Variants in STAMBP observed in about 807,000 individuals in gnomAD.
The protein encoded by STAMBP is STAM binding protein, also known as STAM-binding protein.
A neutral mutation model predicts 50.7 loss-of-function variants in STAMBP; 31 were observed. The observed-to-expected ratio is 0.61, with a 90% CI of 0.46 to 0.83. The LOEUF is 0.83. Among genes scored for constraint, STAMBP ranks in the 40% least tolerant of loss-of-function variants. The pLI is 0.00. For synonymous variants in STAMBP, 211 were observed against 192.4 expected, an observed-to-expected ratio of 1.10 and a Z score of -0.80; for missense variants, 472 against 518.9, an observed-to-expected ratio of 0.91 and a Z score of 0.88.
rs539468605 is a variant in STAMBP at position 73,838,968 on chromosome 2, G to A, written c.204-5845G>A. Among the ~76,000 whole-genome samples the A allele has an allele frequency of 5.3e-5, 8 of 152,236 alleles. No individual in the cohort carries two copies. In the East Asian group the frequency reaches 1.5e-3, roughly 29 times the overall value. On this transcript the variant is annotated intron_variant, in intron 2 of 9. Coordinates refer to ENST00000394070, the MANE Select transcript of STAMBP (RefSeq NM_213622.4). ...CTCACTGATTCTCAGTCTGTTTTCT[G>A]TTGTATTTTACTTAGTACATTCCTA...
In STAMBP at chr2:73,866,360, T is replaced by C. The variant is rs1038144507; in HGVS notation, c.*4101T>C. On this transcript the variant is annotated 3_prime_UTR_variant, in exon 10 of 10. Coordinates refer to ENST00000394070, the MANE Select transcript of STAMBP (RefSeq NM_213622.4). ...CAACTATAGTCTGTTTCCCACAATT[T>C]GTTGTGTGTGTTTTTTGTTGTTTTG... is the stretch of plus-strand genomic sequence containing the variant. 2.0e-5 allele frequency: 3 copies of C among 152,226 alleles called. No homozygotes were observed. Among genetic ancestry groups the C allele is most frequent in the African/African-American group, 7.2e-5 (3 of 41,450 alleles). The allele number at this position is 152,226 out of a possible 1,614,324, so 9.4% of individuals were successfully genotyped here. A position where few individuals can be genotyped will look rare whatever the true frequency, so the allele number is the denominator to read the frequency against.
intron 5 of STAMBP, 116 bp from the exon 6 acceptor site, chr2:73,849,247 T>C: frequency 6.7e-7 from 1 of 1,503,524 alleles, no homozygotes; most frequent in Non-Finnish European, 9.1e-7. Context: ...ACTCACTGCC[T>C]GAAGTTGGGG....
Position 73,864,185 on chromosome 2 carries a change from A to G in STAMBP, c.*1926A>G, listed in dbSNP as rs768635558. The G allele has an allele frequency of 5.3e-5, 8 of 152,208 alleles. No individual in the cohort carries two copies. Among genetic ancestry groups the G allele is most frequent in the Admixed American group, 2.6e-4 (4 of 15,286 alleles). 9.4% of individuals were successfully genotyped at this position (152,208 alleles called of 1,614,324 possible). On this transcript the variant is annotated 3_prime_UTR_variant, in exon 10 of 10. Coordinates refer to ENST00000394070, the MANE Select transcript of STAMBP (RefSeq NM_213622.4). Reference sequence around the variant, plus strand: ...TTCTCAAGTACAACCAGGGTTGACAACCACTGCATTGGTCTTTGATACCTA... The same window carrying G: ...TTCTCAAGTACAACCAGGGTTGACAGCCACTGCATTGGTCTTTGATACCTA...
intron 2 of STAMBP, among the ~76,000 whole-genome samples, chr2:73,832,328 G>C (rs866875655): frequency 1.3e-5 from 2 of 151,428 alleles, no homozygotes; most frequent in Admixed American, 6.6e-5. Context: ...GGTGGCGTGT[G>C]CCTGTAATCC....
In STAMBP at chr2:73,834,579, C is replaced by A. The variant is rs1032729565; in HGVS notation, c.203+3520C>A. On this transcript the variant is annotated intron_variant, in intron 2 of 9. Transcript: ENST00000394070. ...GGGGTTGGTCTTGCTGTCTCAGGGG[C>A]GGCAGTGGCAGAAGTAAATCCGTGT... Among the ~76,000 whole-genome samples, 7 of 151,724 alleles carry A rather than the reference C, an allele frequency of 4.6e-5. No homozygotes were observed. The South Asian group carries it at 1.5e-3, about 32-fold the overall frequency.
intron 7 of STAMBP, among the ~76,000 whole-genome samples, chr2:73,853,597 C>A (rs879806168): frequency 6.6e-6 from 1 of 152,158 alleles, no homozygotes; most frequent in African/African-American, 2.4e-5. Flanking sequence ...TGGCGCATGC[C>A]TGTAGTCCCA....
chr2:73,856,741 G>A (rs1677594062), intron 7 of STAMBP, among the ~76,000 whole-genome samples: 1 of 152,196 alleles, frequency 6.6e-6, no homozygotes, highest in African/African-American at 2.4e-5. Context: ...AGGAGAGCTA[G>A]AGCAGGAAAT....
At chr2:73,830,420 C>T (rs1022009935) in intron 1 of STAMBP, among the ~76,000 whole-genome samples, 6 of 152,248 alleles carry the variant, frequency 3.9e-5, no homozygotes, top group African/African-American at 1.2e-4. Context: ...CAAGAAAGTT[C>T]ACTGAGTGCA....
Position 73,847,594 on chromosome 2 carries a change from C to T in STAMBP, c.583C>T (p.Pro195Ser), listed in dbSNP as rs777630418. The change falls in exon 5 of 10, where the codon CCG becomes TCG. Residue 195 changes from proline to serine, a missense_variant. Physicochemically the swap from Pro to Ser is moderately conservative, Grantham distance 74. Coordinates refer to ENST00000394070, the MANE Select transcript of STAMBP (RefSeq NM_213622.4). ...GAAGGTAGACCCTGGCCTAGGTGGC[C>T]CGCTAGTGCCTGACTTGGAGAAGCC... ...FGKVDPGLGG[P>S]LVPDLEKPSL... The T allele has an allele frequency of 1.4e-5, 23 of 1,614,026 alleles. No homozygotes were observed. The highest frequency in any genetic ancestry group is 1.9e-5 in the Non-Finnish European group (23 of 1,180,026).
chr2:73,829,695 G>A (rs549618262), intron 1 of STAMBP, among the ~76,000 whole-genome samples, 185 bp downstream of exon 1: 15 of 152,264 alleles, frequency 9.9e-5, no homozygotes, highest in African/African-American at 3.6e-4. Flanking sequence ...TATTAGTGAG[G>A]GTGTTTTAGA....
chr2:73,873,208 A>G (rs1679267465), intron 10 of STAMBP: 1 of 152,234 alleles, frequency 6.6e-6, no homozygotes, highest in African/African-American at 2.4e-5. Context: ...TTCTGCACTG[A>G]CATTTTAATA....
At chr2:73,846,816 T>A (rs1676127416) in intron 4 of STAMBP, among the ~76,000 whole-genome samples, 1 of 151,998 alleles carries the variant, frequency 6.6e-6, no homozygotes, top group South Asian at 2.1e-4. Flanking sequence ...ACATTGTGGC[T>A]CACACCTGGA....
chr2:73,837,419 A>C (rs1251809949), intron 2 of STAMBP, among the ~76,000 whole-genome samples: 2 of 142,838 alleles, frequency 1.4e-5, no homozygotes, highest in Non-Finnish European at 3.1e-5. Context: ...CCCCATCTCT[A>C]CTAAAAATAC....
At chr2:73,848,755 C>G (rs960701025) in intron 5 of STAMBP, among the ~76,000 whole-genome samples, 3 of 152,162 alleles carry the variant, frequency 2.0e-5, no homozygotes, top group African/African-American at 7.2e-5. Flanking sequence ...AATTAAGTTT[C>G]CAAAACATGA....
chr2:73,840,700 C>T (rs1038978500), intron 2 of STAMBP, among the ~76,000 whole-genome samples: 6 of 151,066 alleles, frequency 4.0e-5, no homozygotes, highest in African/African-American at 1.5e-4. Context: ...GCCGAGACTG[C>T]CCCACTGCAC....
chr2:73,860,377 G>A (rs1362392795), intron 9 of STAMBP, among the ~76,000 whole-genome samples: 1 of 152,170 alleles, frequency 6.6e-6, no homozygotes, highest in Non-Finnish European at 1.5e-5. Flanking sequence ...TACCGTTCCT[G>A]GGCCTCAGTT....
At chr2:73,846,381 G>A (rs887095594) in intron 4 of STAMBP, among the ~76,000 whole-genome samples, 6 of 151,924 alleles carry the variant, frequency 3.9e-5, no homozygotes, top group East Asian at 3.9e-4. Context: ...GTGGGTGATC[G>A]CTTGAGCCCA....
chr2:73,830,944 G>T lies in STAMBP; in HGVS notation c.88G>T (p.Asp30Tyr). The T allele has an allele frequency of 1.2e-6, 2 of 1,614,190 alleles. No homozygotes were observed. Among genetic ancestry groups the T allele is most frequent in the South Asian group, 2.2e-5 (2 of 91,082 alleles). The change falls in exon 2 of 10, where the codon GAC (aspartate) becomes TAC (tyrosine). Residue 30 changes from aspartate (D) to tyrosine (Y), a missense_variant. Transcript: ENST00000394070. ...GGGTAGTGCGGTAGAGGTGAATGAA[G>T]ACATTCCACCCCGTCGGTACTTCCG... ...QLGSAVEVNE[D>Y]IPPRRYFRSG...
At chr2:73,838,314 AT>A (rs1674975371) in intron 2 of STAMBP, among the ~76,000 whole-genome samples, 2 of 152,206 alleles carry the variant, frequency 1.3e-5, no homozygotes, top group South Asian at 4.1e-4. Flanking sequence ...ATGACACTTT[AT>A]TTACAAGAAC....
Sources: gnomAD v4.1 joint callset for allele counts (sites outside exome capture counted in the v4.1 genomes callset) on GRCh38, gnomAD v4.1.1 for gene constraint, MANE v1.5 for transcripts, NCBI Gene and HGNC (gene_info 2026-07-23, HGNC 2026-07-21) for gene names.